Variants in IPCEF1 observed in about 807,000 individuals in gnomAD.
IPCEF1 encodes the protein interactor protein for cytohesin exchange factors 1.
Under a neutral mutation model 50.9 loss-of-function variants are expected in IPCEF1, and 31 were observed. The observed-to-expected ratio is 0.61, with a 90% CI of 0.46 to 0.82. The LOEUF is 0.82. IPCEF1 is among the 40% of genes least tolerant of loss of function. The probability of loss-of-function intolerance (pLI) is 0.00; values close to 1 mark genes in which losing one functional copy is unlikely to be tolerated. For synonymous variants in IPCEF1, 181 were observed against 192.0 expected, an observed-to-expected ratio of 0.94 and a Z score of 0.47; for missense variants, 458 against 514.0, an observed-to-expected ratio of 0.89 and a Z score of 1.05.
intron 3 of IPCEF1, among the ~76,000 whole-genome samples, chr6:154,264,533 C>T (rs528857611): frequency 1.3e-4 from 19 of 151,964 alleles, no homozygotes; most frequent in Non-Finnish European, 2.4e-4. Flanking sequence ...CCACCATGCC[C>T]GGCTAATTTT....
chr6:154,204,214 TTAGC>T (rs1777301743), intron 9 of IPCEF1, among the ~76,000 whole-genome samples: 1 of 152,188 alleles, frequency 6.6e-6, no homozygotes, highest in South Asian at 2.1e-4. Flanking sequence ...CATTCAAATG[TTAGC>T]CCTAAAATCC....
chr6:154,292,962 A>G (rs2128670099), intron 1 of IPCEF1, among the ~76,000 whole-genome samples: 1 of 152,292 alleles, frequency 6.6e-6, no homozygotes, highest in African/African-American at 2.4e-5. Flanking sequence ...ACTTCCTCCT[A>G]CATTCCAAAG....
chr6:154,238,698 A>T (rs1218283303), intron 5 of IPCEF1, among the ~76,000 whole-genome samples: 2 of 151,538 alleles, frequency 1.3e-5, no homozygotes, highest in African/African-American at 4.9e-5. Flanking sequence ...CCTTTTTTAT[A>T]ATTTTTATTT....
intron 5 of IPCEF1, among the ~76,000 whole-genome samples, chr6:154,224,349 C>G (rs913542290): frequency 6.6e-6 from 1 of 152,186 alleles, no homozygotes; most frequent in Non-Finnish European, 1.5e-5. Context: ...CTATGCCCAT[C>G]TTCTCTCTCT....
chr6:154,352,082 A>G (rs1166717099), intron 1 of IPCEF1, among the ~76,000 whole-genome samples: 4 of 152,216 alleles, frequency 2.6e-5, no homozygotes, highest in African/African-American at 9.6e-5. Context: ...ACCATGGCAC[A>G]CATTTACCTA....
intron 5 of IPCEF1, among the ~76,000 whole-genome samples, chr6:154,226,263 A>G (rs941519114): frequency 2.0e-5 from 3 of 152,140 alleles, no homozygotes; most frequent in Admixed American, 2.0e-4. Context: ...TCCAAAATCC[A>G]TATCTCAAAC....
chr6:154,221,644 CGG>C lies in IPCEF1; in HGVS notation c.321-318_321-317del, dbSNP rs541470482. Among the ~76,000 whole-genome samples the C allele has an allele frequency of 3.0e-3, 463 of 152,066 alleles. 1 individual carries two copies. Among genetic ancestry groups the C allele is most frequent in the African/African-American group, 0.01 (426 of 41,472 alleles). ...ATCCTAGCACTTTGGGAGGCCGAGG[CGG>C]GCAGATCACGAGGTCAGGAGATCGA... On this transcript the variant is annotated intron_variant, in intron 6 of 11. Transcript: ENST00000367220.
chr6:154,286,004 C>T (rs1453010391), intron 2 of IPCEF1, among the ~76,000 whole-genome samples: 3 of 152,192 alleles, frequency 2.0e-5, no homozygotes, highest in South Asian at 2.1e-4. Context: ...ACAATATTTA[C>T]TGCCCAGCAG....
rs188114863 is a variant in IPCEF1, at chr6:154,216,795, G to A, written c.393-2519C>T. On this transcript the variant is annotated intron_variant, in intron 7 of 11. Coordinates refer to ENST00000367220, the MANE Select transcript of IPCEF1 (RefSeq NM_001130700.2). ...AGGCAGGAGAATCGCTTGAACCCAG[G>A]AGGCAGAGGTTGCAGTGAGTTGAGA... is the stretch of plus-strand genomic sequence containing the variant. 5.1e-3 allele frequency: 782 copies of A among 152,482 alleles called. 4 individuals carry two copies. Among genetic ancestry groups the A allele is most frequent in the Middle Eastern group, 0.037 (11 of 300 alleles). 9.4% of individuals were successfully genotyped at this position (152,482 alleles called of 1,614,324 possible). A position where few individuals can be genotyped will look rare whatever the true frequency, so the allele number is the denominator to read the frequency against.
At chr6:154,185,867 T>C (rs1377726091) in intron 10 of IPCEF1, among the ~76,000 whole-genome samples, 1 of 152,242 alleles carries the variant, frequency 6.6e-6, no homozygotes, top group Admixed American at 6.5e-5. Context: ...GAGCCACAAG[T>C]TGGATAAGCT....
chr6:154,321,175 C>T (rs1783365150), intron 1 of IPCEF1, among the ~76,000 whole-genome samples: 1 of 152,114 alleles, frequency 6.6e-6, no homozygotes, highest in East Asian at 1.9e-4. Flanking sequence ...AAGCAATCCT[C>T]CCATCTCAAC....
chr6:154,281,374 TA>T (rs1354533827), intron 2 of IPCEF1, among the ~76,000 whole-genome samples: 7 of 151,392 alleles, frequency 4.6e-5, no homozygotes, highest in Admixed American at 1.3e-4. Flanking sequence ...AAATTTTTTT[TA>T]AAGTAGCCTT....
At chr6:154,179,955 A>G (rs1311960191) in intron 10 of IPCEF1, among the ~76,000 whole-genome samples, 1 of 152,154 alleles carries the variant, frequency 6.6e-6, no homozygotes, top group African/African-American at 2.4e-5. Context: ...TGATGCTGGA[A>G]TTGCTGGTCC....
intron 1 of IPCEF1, among the ~76,000 whole-genome samples, chr6:154,324,303 T>C (rs1783466429): frequency 6.6e-6 from 1 of 152,180 alleles, no homozygotes; most frequent in Non-Finnish European, 1.5e-5. Flanking sequence ...CAGTGGCTCA[T>C]GCCTGTAATC....
At chr6:154,215,401 C>T (rs562930290) in intron 7 of IPCEF1, among the ~76,000 whole-genome samples, 4 of 152,126 alleles carry the variant, frequency 2.6e-5, no homozygotes, top group African/African-American at 9.6e-5. Context: ...GTCAGAAGTT[C>T]AAGACCAGCC....
intron 1 of IPCEF1, among the ~76,000 whole-genome samples, chr6:154,302,723 C>T (rs1006998855): frequency 6.6e-6 from 1 of 152,082 alleles, no homozygotes; most frequent in Non-Finnish European, 1.5e-5. Flanking sequence ...GATCCCCCAG[C>T]CTCGGCCTCC....
chr6:154,208,356 C>A (rs894660142), intron 9 of IPCEF1, among the ~76,000 whole-genome samples: 5 of 152,214 alleles, frequency 3.3e-5, no homozygotes, highest in African/African-American at 1.2e-4. Context: ...TCTCACACCA[C>A]CTTTCAAGGT....
At chr6:154,183,957 A>C (rs1402653578) in intron 10 of IPCEF1, among the ~76,000 whole-genome samples, 7 of 150,994 alleles carry the variant, frequency 4.6e-5, no homozygotes, top group Non-Finnish European at 1.0e-4. Context: ...AAAGAAAAAA[A>C]TTGTTTTGTG....
chr6:154,196,274 G>C (rs1461177437), intron 10 of IPCEF1, among the ~76,000 whole-genome samples: 1 of 152,144 alleles, frequency 6.6e-6, no homozygotes, highest in African/African-American at 2.4e-5. Context: ...AACTCTCAAA[G>C]TAGCTAGCTA....
Sources: allele counts gnomAD v4.1 joint callset (sites outside exome capture counted in the v4.1 genomes callset), GRCh38; gene constraint gnomAD v4.1.1; transcripts MANE v1.5; gene names NCBI Gene and HGNC (gene_info 2026-07-23, HGNC 2026-07-21).